The following CFAP54 variants were observed in gnomAD, a reference collection of about 807,000 sequenced individuals.
CFAP54 encodes the protein cilia- and flagella-associated protein 54.
Under a neutral mutation model 370.4 loss-of-function variants are expected in CFAP54, and 290 were observed. The ratio of observed to expected loss-of-function variants is 0.78; its 90% CI spans 0.71 to 0.86. The LOEUF (loss-of-function observed/expected upper bound fraction) is 0.86. Among genes scored for constraint, CFAP54 ranks in the 40% least tolerant of loss-of-function variants. CFAP54 has a pLI of 0.00. For synonymous variants in CFAP54, 1,206 were observed against 1,236.5 expected (o/e 0.98, Z 0.52); for missense variants, 3,399 against 3,528.7 (o/e 0.96, Z 0.93).
intron 24 of CFAP54, among the ~76,000 whole-genome samples, chr12:96,593,898 A>G (rs1956150026): frequency 6.6e-6 from 1 of 152,060 alleles, no homozygotes; most frequent in Non-Finnish European, 1.5e-5. Flanking sequence ...TTTCTTTCAA[A>G]TCAAAAAAGG....
chr12:96,647,500 A>AAAAAAAAC (rs1565927578), intron 33 of CFAP54, among the ~76,000 whole-genome samples: 31 of 145,212 alleles, frequency 2.1e-4, no homozygotes, highest in East Asian at 1.6e-3. Context: ...AAAAAAAGAA[A>AAAAAAAAC]TGCCATTGAT....
At chr12:96,502,692 G>A (rs1199354835) in intron 2 of CFAP54, among the ~76,000 whole-genome samples, 1 of 152,150 alleles carries the variant, frequency 6.6e-6, no homozygotes, top group African/African-American at 2.4e-5. Context: ...GCTTTTCCTG[G>A]GGATGAAGTT....
chr12:96,714,112 A>C (rs1957646708), intron 48 of CFAP54, among the ~76,000 whole-genome samples: 2 of 152,226 alleles, frequency 1.3e-5, no homozygotes, highest in Admixed American at 1.3e-4. Context: ...GTGAATATAT[A>C]AGACCATAAT....
intron 14 of CFAP54, among the ~76,000 whole-genome samples, chr12:96,542,208 G>C (rs772670558): frequency 2.0e-5 from 3 of 152,202 alleles, no homozygotes; most frequent in Non-Finnish European, 2.9e-5. Context: ...TGGCCTTGCA[G>C]ATGGAGTTTT....
At chr12:96,664,150 T>C (rs1358471821) in intron 39 of CFAP54, among the ~76,000 whole-genome samples, 5 of 152,164 alleles carry the variant, frequency 3.3e-5, no homozygotes, top group Admixed American at 2.0e-4. Flanking sequence ...ATTTTAAACT[T>C]TTAAGTGCAG....
At chr12:96,867,079 G>T (rs1028305319) in intron 67 of CFAP54, among the ~76,000 whole-genome samples, 1 of 152,050 alleles carries the variant, frequency 6.6e-6, no homozygotes, top group South Asian at 2.1e-4. Flanking sequence ...TAGTAATAAA[G>T]TATATGTAAT....
intron 60 of CFAP54, among the ~76,000 whole-genome samples, chr12:96,765,941 T>G (rs970873712): frequency 4.6e-5 from 7 of 152,202 alleles, no homozygotes; most frequent in Non-Finnish European, 1.0e-4. Context: ...ATTGAGTGCT[T>G]CTTGTGTGCT....
intron 66 of CFAP54, among the ~76,000 whole-genome samples, chr12:96,844,318 C>T (rs1015577165): frequency 1.3e-5 from 2 of 152,036 alleles, no homozygotes; most frequent in African/African-American, 2.4e-5. Flanking sequence ...GAGGAGACGG[C>T]CATGTGATGA....
chr12:96,722,835 G>A (rs1647634172), intron 50 of CFAP54, among the ~76,000 whole-genome samples: 1 of 152,138 alleles, frequency 6.6e-6, no homozygotes, highest in African/African-American at 2.4e-5. Flanking sequence ...CTGTTTTACA[G>A]ATATTGGATG....
chr12:96,673,404 A>G (rs1460358308), intron 39 of CFAP54, among the ~76,000 whole-genome samples: 1 of 152,214 alleles, frequency 6.6e-6, no homozygotes, highest in African/African-American at 2.4e-5. Flanking sequence ...CACTGAAGAC[A>G]GACACTTTAT....
intron 48 of CFAP54, among the ~76,000 whole-genome samples, chr12:96,714,548 C>T (rs939292899): frequency 6.6e-6 from 1 of 152,054 alleles, no homozygotes; most frequent in African/African-American, 2.4e-5. Context: ...ACAAAGGAGA[C>T]TGAGAAAGGA....
At chr12:96,761,275 T>A (rs1219656748) in intron 58 of CFAP54, among the ~76,000 whole-genome samples, 1 of 152,226 alleles carries the variant, frequency 6.6e-6, no homozygotes, top group East Asian at 1.9e-4. Context: ...TTTGGGGAAA[T>A]GTCTATTCAG....
chr12:96,674,403 C>T (rs718908), intron 39 of CFAP54, among the ~76,000 whole-genome samples: 130,994 of 147,976 alleles, frequency 0.89, 58,169 homozygotes, highest in East Asian at 0.96. Flanking sequence ...GTTGAGGCTA[C>T]TAGTGCCTTT....
intron 17 of CFAP54, among the ~76,000 whole-genome samples, chr12:96,563,979 A>G (rs1955839870): frequency 6.6e-6 from 1 of 152,328 alleles, no homozygotes; most frequent in East Asian, 1.9e-4. Flanking sequence ...TTTTAGTTCA[A>G]AATCTTGAGA....
At chr12:96,819,015 A>G (rs1255466146) in intron 65 of CFAP54, among the ~76,000 whole-genome samples, 1 of 152,230 alleles carries the variant, frequency 6.6e-6, no homozygotes, top group Non-Finnish European at 1.5e-5. Flanking sequence ...TGTTTAAAAG[A>G]TAGATGTACA....
chr12:96,503,560 A>G (rs1019228928), intron 2 of CFAP54, among the ~76,000 whole-genome samples: 3 of 152,046 alleles, frequency 2.0e-5, no homozygotes, highest in African/African-American at 4.8e-5. Flanking sequence ...GGTTACCATG[A>G]TCTGATGATG....
intron 50 of CFAP54, among the ~76,000 whole-genome samples, chr12:96,731,006 C>G (rs1006007133): frequency 6.6e-6 from 1 of 152,058 alleles, no homozygotes; most frequent in East Asian, 1.9e-4. Flanking sequence ...CTCCCAGACC[C>G]CCTGGGCATG....
Position 96,743,405 on chromosome 12 carries a change from A to T in CFAP54, c.7223A>T (p.Asp2408Val). 1 of 1,612,294 alleles carries T rather than the reference A, an allele frequency of 6.2e-7. No homozygotes were observed. Among genetic ancestry groups the T allele is most frequent in the Non-Finnish European group, 8.5e-7 (1 of 1,179,224 alleles). ...QIHGIGIVKE[D>V]DMTDCLSLIN... ...TAACCGCATTTGTTTATTTTAGAGG[A>T]TGATATGACAGATTGCCTGAGCCTC... The change falls in exon 53 of 68, where the codon GAT (aspartate) becomes GTT (valine). Residue 2408 changes from aspartate (D) to valine (V), a missense_variant. This residue lies in a region of CFAP54 where 2,796 missense variants were observed against 2,869.7 expected (regional missense o/e 0.97). Transcript: ENST00000524981.
intron 1 of CFAP54, among the ~76,000 whole-genome samples, chr12:96,494,193 C>G (rs1043982442): frequency 1.3e-5 from 2 of 151,980 alleles, no homozygotes; most frequent in African/African-American, 4.8e-5. Context: ...AGAGGTACAA[C>G]AGTATGAGGT....
Sources: allele counts gnomAD v4.1 joint callset (sites outside exome capture counted in the v4.1 genomes callset), GRCh38; gene constraint gnomAD v4.1.1; regional missense constraint gnomAD v4.1.1; transcripts MANE v1.5; gene names NCBI Gene and HGNC (gene_info 2026-07-23, HGNC 2026-07-21).